The following SEMA3A variants were observed in gnomAD, a reference collection of about 807,000 sequenced individuals.
SEMA3A encodes the protein semaphorin-3A.
A neutral mutation model predicts 97.9 loss-of-function variants in SEMA3A; 29 were observed. That is an observed-to-expected ratio of 0.30 (90% CI 0.22 to 0.40). SEMA3A has a LOEUF of 0.40. Ranked by LOEUF, SEMA3A falls within the 10% of genes least tolerant of loss-of-function variation. The pLI is 1.00. For synonymous variants in SEMA3A, 321 were observed against 323.7 expected (o/e 0.99, Z 0.09); for missense variants, 763 against 951.3 (o/e 0.80, Z 2.60).
At chr7:84,106,527 A>G (rs957735150) in intron 4 of SEMA3A, among the ~76,000 whole-genome samples, 1 of 152,324 alleles carries the variant, frequency 6.6e-6, no homozygotes, top group South Asian at 2.1e-4. Flanking sequence ...TAAACAACGC[A>G]TGACTGTATT....
chr7:84,258,689 A>G (rs560724270), intron 3 of SEMA3A, among the ~76,000 whole-genome samples: 1 of 152,166 alleles, frequency 6.6e-6, no homozygotes, highest in Non-Finnish European at 1.5e-5. Context: ...AGAATCCTAG[A>G]AACAGCTGGT....
chr7:84,353,252 G>A (rs546070562), intron 2 of SEMA3A, among the ~76,000 whole-genome samples: 10 of 151,790 alleles, frequency 6.6e-5, no homozygotes, highest in Admixed American at 2.6e-4. Flanking sequence ...TTTGATTCAG[G>A]ATTGGTTGAA....
Position 84,145,310 on chromosome 7 carries a change from G to A in SEMA3A, c.113-10359C>T, listed in dbSNP as rs1796430634. 2.0e-5 allele frequency among the ~76,000 whole-genome samples: 3 copies of A among 152,110 alleles called. No individual in the cohort carries two copies. The South Asian group carries it at 6.2e-4, about 32-fold the overall frequency. On this transcript the variant is annotated intron_variant, in intron 1 of 16. Transcript: ENST00000265362. The stretch of plus-strand genomic sequence containing the variant: ...TCCACTTCTAGAGTTAAAATATGCT[G>A]TCTTTACTTATTTTTGTATGTCTAG...
chr7:84,303,730 A>G (rs1476427967), intron 3 of SEMA3A, among the ~76,000 whole-genome samples: 2 of 152,204 alleles, frequency 1.3e-5, no homozygotes, highest in South Asian at 2.1e-4. Flanking sequence ...TCAATAAATT[A>G]CATGAGATAT....
chr7:84,424,864 A>T (rs1804738155), intron 1 of SEMA3A, among the ~76,000 whole-genome samples: 1 of 76,482 alleles, frequency 1.3e-5, no homozygotes. Flanking sequence ...TAATTTATAT[A>T]AATATAAATA....
At chr7:84,055,015 CA>C (rs1172785447) in intron 5 of SEMA3A, among the ~76,000 whole-genome samples, 2 of 150,532 alleles carry the variant, frequency 1.3e-5, no homozygotes, top group East Asian at 2.0e-4. Context: ...TTAGGCTGCT[CA>C]GGGGTCAGGG....
intron 5 of SEMA3A, among the ~76,000 whole-genome samples, chr7:84,058,467 A>T (rs942855683): frequency 2.0e-5 from 3 of 152,208 alleles, no homozygotes; most frequent in Admixed American, 6.5e-5. Context: ...AACTAAATGT[A>T]CCATAAGAGG....
chr7:83,970,162 A>G (rs1374106537), intron 15 of SEMA3A, among the ~76,000 whole-genome samples: 1 of 152,200 alleles, frequency 6.6e-6, no homozygotes, highest in Non-Finnish European at 1.5e-5. Flanking sequence ...GGATAACACA[A>G]TGTTTCAATA....
At chr7:84,431,610 T>C (rs1195989019) in intron 1 of SEMA3A, among the ~76,000 whole-genome samples, 1 of 149,014 alleles carries the variant, frequency 6.7e-6, no homozygotes, top group East Asian at 2.4e-4. Context: ...CTACAGAAAA[T>C]TAAAAATCAG....
At chr7:84,062,819 A>G (rs560182666) in intron 4 of SEMA3A, among the ~76,000 whole-genome samples, 2,447 of 151,546 alleles carry the variant, frequency 0.016, 44 homozygotes, top group African/African-American at 0.044. Context: ...AGATCAAACT[A>G]CAAGGCCGCA....
At chr7:84,448,142 C>T (rs1805469984) in intron 1 of SEMA3A, among the ~76,000 whole-genome samples, 1 of 152,132 alleles carries the variant, frequency 6.6e-6, no homozygotes, top group African/African-American at 2.4e-5. Context: ...TACTGTGAGC[C>T]GTGCACAGCC....
chr7:84,151,775 A>T (rs2116123119), intron 1 of SEMA3A, among the ~76,000 whole-genome samples: 1 of 152,246 alleles, frequency 6.6e-6, no homozygotes, highest in Non-Finnish European at 1.5e-5. Flanking sequence ...AAAATGGGAG[A>T]AAATTTTCGC....
rs558589715 is a variant in SEMA3A at position 84,161,088 on chromosome 7, G to A, written c.113-26137C>T. ...ATTTAAGAATTTTAAAATTTAGGCC[G>A]GGCGTGGTGTCTCATGCCTGTAATC... On this transcript the variant is annotated intron_variant, in intron 1 of 16. Coordinates refer to ENST00000265362, the MANE Select transcript of SEMA3A (RefSeq NM_006080.3). Among the ~76,000 whole-genome samples, 21 of 151,024 alleles carry A rather than the reference G, an allele frequency of 1.4e-4. No individual in the cohort carries two copies. The South Asian group carries it at 2.7e-3, about 20-fold the overall frequency.
chr7:84,111,630 T>C (rs895871441), intron 3 of SEMA3A, among the ~76,000 whole-genome samples: 11 of 152,200 alleles, frequency 7.2e-5, no homozygotes, highest in Non-Finnish European at 1.0e-4. Context: ...AAAATGAATG[T>C]GGCCTATTTA....
At chr7:84,090,330 T>A (rs538190365) in intron 4 of SEMA3A, among the ~76,000 whole-genome samples, 1 of 152,274 alleles carries the variant, frequency 6.6e-6, no homozygotes, top group Non-Finnish European at 1.5e-5. Flanking sequence ...AGAGAACTAA[T>A]GACTGCTAGA....
At chr7:84,145,561 C>T (rs184601901) in intron 1 of SEMA3A, among the ~76,000 whole-genome samples, 1 of 152,142 alleles carries the variant, frequency 6.6e-6, no homozygotes, top group East Asian at 1.9e-4. Context: ...TAAAATTATA[C>T]CATTTAAACC....
intron 6 of SEMA3A, among the ~76,000 whole-genome samples, chr7:84,020,654 T>C (rs1791294516): frequency 6.6e-6 from 1 of 152,136 alleles, no homozygotes; most frequent in Admixed American, 6.5e-5. Context: ...TAAAATGTTA[T>C]TTTACCTTAA....
chr7:84,061,958 C>T (rs930414713), intron 4 of SEMA3A, among the ~76,000 whole-genome samples: 3 of 152,216 alleles, frequency 2.0e-5, no homozygotes, highest in African/African-American at 4.8e-5. Context: ...ACGCAATGAG[C>T]CAGGCACCAG....
At position 83,988,057 on chromosome 7, in the gene SEMA3A, C is replaced by A. The variant is rs192553609; in HGVS notation, c.1453-2580G>T. Among the ~76,000 whole-genome samples, 151 of 152,284 alleles carry A rather than the reference C, an allele frequency of 9.9e-4. 1 individual carries two copies. The highest frequency in any genetic ancestry group is 3.3e-3 in the African/African-American group (138 of 41,564). On this transcript the variant is annotated intron_variant, in intron 12 of 16. Coordinates refer to ENST00000265362, the MANE Select transcript of SEMA3A (RefSeq NM_006080.3). ...CTTGGCTGCTTCCTCTAATAAACCCCATTATGCCTTGGAATTCTTTATTAA... is the reference window on the plus strand; with the variant it reads ...CTTGGCTGCTTCCTCTAATAAACCCAATTATGCCTTGGAATTCTTTATTAA...
Sources: allele counts gnomAD v4.1 joint callset (sites outside exome capture counted in the v4.1 genomes callset), GRCh38; gene constraint gnomAD v4.1.1; transcripts MANE v1.5; gene names NCBI Gene and HGNC (gene_info 2026-07-23, HGNC 2026-07-21).